The following CELF2 variants were observed in gnomAD, a reference collection of about 807,000 sequenced individuals.
CELF2 encodes CUGBP Elav-like family member 2, also known as CUG triplet repeat RNA-binding protein 2.
CELF2 carries 8 observed loss-of-function variants against 62.6 expected under a neutral mutation model. That is an observed-to-expected ratio of 0.13 (90% CI 0.07 to 0.23). The LOEUF (loss-of-function observed/expected upper bound fraction) is 0.23. Among genes scored for constraint, CELF2 ranks in the 10% least tolerant of loss-of-function variants. The probability of loss-of-function intolerance (pLI) is 1.00; values close to 1 mark genes in which losing one functional copy is unlikely to be tolerated. For synonymous variants in CELF2, 258 were observed against 250.0 expected, an observed-to-expected ratio of 1.03 and a Z score of -0.30; for missense variants, 333 against 671.0, an observed-to-expected ratio of 0.50 and a Z score of 5.56.
chr10:10,646,940 G>A, the CELF2 span, among the ~76,000 whole-genome samples: 1 of 152,174 alleles, frequency 6.6e-6, no homozygotes, highest in Non-Finnish European at 1.5e-5. Flanking sequence ...ACCTCACACA[G>A]CCTGGTCATG....
At chr10:10,672,983 A>G in the CELF2 span, among the ~76,000 whole-genome samples, 1 of 152,110 alleles carries the variant, frequency 6.6e-6, no homozygotes, top group African/African-American at 2.4e-5. Flanking sequence ...AGAGTTTTGT[A>G]GTTTTCCTCA....
At chr10:10,482,449 A>G in the CELF2 span, among the ~76,000 whole-genome samples, 7 of 152,248 alleles carry the variant, frequency 4.6e-5, no homozygotes, top group Middle Eastern at 3.2e-3. Context: ...AATCAATGTA[A>G]GAAACTCTGG....
chr10:10,792,350 T>C, the CELF2 span: 1 of 397,998 alleles, frequency 2.5e-6, no homozygotes. Context: ...GAGTGGGGAG[T>C]GGGTAATAAT....
chr10:10,676,187 A>G, the CELF2 span, among the ~76,000 whole-genome samples: 1 of 152,074 alleles, frequency 6.6e-6, no homozygotes, highest in African/African-American at 2.4e-5. Context: ...AGTGTTTCTC[A>G]TTTTATTTCT....
At chr10:11,063,738 C>T (rs1210667652) in intron 1 of CELF2, among the ~76,000 whole-genome samples, 2 of 152,138 alleles carry the variant, frequency 1.3e-5, no homozygotes, top group Non-Finnish European at 2.9e-5. Context: ...TTTAAGAACT[C>T]AGTATTGTAT....
chr10:10,794,937 T>C (rs2054053792), upstream of CELF2: 1 of 152,266 alleles, frequency 6.6e-6, no homozygotes, highest in Admixed American at 6.5e-5. Context: ...TGCAGATTCC[T>C]TGCCTCCTAG....
chr10:10,575,677 T>A, the CELF2 span, among the ~76,000 whole-genome samples: 2 of 152,194 alleles, frequency 1.3e-5, no homozygotes, highest in Admixed American at 1.3e-4. Context: ...AGGTCATATG[T>A]TTAAATTTTT....
At chr10:11,164,770 A>G (rs573435970) in intron 1 of CELF2, among the ~76,000 whole-genome samples, 1 of 151,596 alleles carries the variant, frequency 6.6e-6, no homozygotes, top group Non-Finnish European at 1.5e-5. Context: ...TGTGCTTTTT[A>G]AAGGGGAGCC....
At chr10:10,932,989 T>C (rs1240070357) in intron 2 of CELF2, among the ~76,000 whole-genome samples, 1 of 152,042 alleles carries the variant, frequency 6.6e-6, no homozygotes, top group African/African-American at 2.4e-5. Context: ...TAGAAGTGGT[T>C]TACTTTTTAA....
At chr10:10,955,707 C>A (rs376213548) in intron 2 of CELF2, among the ~76,000 whole-genome samples, 15 of 152,260 alleles carry the variant, frequency 9.9e-5, no homozygotes, top group African/African-American at 3.6e-4. Flanking sequence ...CCCCCAGAAC[C>A]ATGATTCATC....
chr10:10,962,563 T>TA (rs1468465525), intron 2 of CELF2, among the ~76,000 whole-genome samples: 1 of 151,944 alleles, frequency 6.6e-6, no homozygotes, highest in Non-Finnish European at 1.5e-5. Context: ...TCTCTACAAA[T>TA]AAAAAATATT....
chr10:10,791,818 G>A, the CELF2 span, among the ~76,000 whole-genome samples: 147,602 of 152,284 alleles, frequency 0.97, 71,556 homozygotes, highest in East Asian at 1. Flanking sequence ...GCAATTTGAC[G>A]GAGTAATTTT....
At chr10:11,138,533 C>A (rs1457834468) in intron 1 of CELF2, among the ~76,000 whole-genome samples, 2 of 152,184 alleles carry the variant, frequency 1.3e-5, no homozygotes. Context: ...ATGACACACA[C>A]AGGATCGGGA....
intron 1 of CELF2, among the ~76,000 whole-genome samples, chr10:10,888,751 A>G (rs773078109): frequency 2.7e-4 from 41 of 152,198 alleles, no homozygotes; most frequent in Non-Finnish European, 5.4e-4. Context: ...CTTGCCCTTC[A>G]AGACCCAGAA....
intron 4 of CELF2, among the ~76,000 whole-genome samples, chr10:11,254,310 A>C (rs1255657393): frequency 6.6e-6 from 1 of 152,266 alleles, no homozygotes; most frequent in African/African-American, 2.4e-5. Context: ...TTTGGCTAGT[A>C]AGAGATTCCC....
the CELF2 span, among the ~76,000 whole-genome samples, chr10:10,596,763 TTGAG>T: frequency 6.6e-6 from 1 of 152,236 alleles, no homozygotes; most frequent in African/African-American, 2.4e-5. Context: ...CTTCCTCTTC[TTGAG>T]TATTTTCCAC....
At chr10:10,485,710 C>T in the CELF2 span, among the ~76,000 whole-genome samples, 1 of 152,192 alleles carries the variant, frequency 6.6e-6, no homozygotes, top group Non-Finnish European at 1.5e-5. Flanking sequence ...GTTTATATAG[C>T]ACCTCTTCCC....
the CELF2 span, among the ~76,000 whole-genome samples, chr10:10,768,083 G>A: frequency 2.7e-5 from 4 of 146,032 alleles, no homozygotes; most frequent in East Asian, 4.2e-4. Flanking sequence ...GGAGAATGGC[G>A]TGAACCCGGG....
chr10:11,131,366 T>G (rs1361412032), intron 1 of CELF2, among the ~76,000 whole-genome samples: 1 of 152,210 alleles, frequency 6.6e-6, no homozygotes, highest in Non-Finnish European at 1.5e-5. Flanking sequence ...GGTGCCGTGA[T>G]GTTTCTGTAG....
Sources: gnomAD v4.1 joint callset for allele counts (sites outside exome capture counted in the v4.1 genomes callset) on GRCh38, gnomAD v4.1.1 for gene constraint, MANE v1.5 for transcripts, NCBI Gene and HGNC (gene_info 2026-07-23, HGNC 2026-07-21) for gene names.